Variants in RGS22 observed in about 807,000 individuals in gnomAD.
RGS22 encodes the protein regulator of G-protein signaling 22.
RGS22 carries 148 observed loss-of-function variants against 172.9 expected under a neutral mutation model. The ratio of observed to expected loss-of-function variants is 0.86; its 90% CI spans 0.75 to 0.98. RGS22 has a LOEUF of 0.98. Among genes scored for constraint, RGS22 ranks in the 50% least tolerant of loss-of-function variants. RGS22 has a pLI of 0.00. For missense variants in RGS22, 1,347 were observed against 1,440.8 expected (o/e 0.93, Z 1.05); for synonymous variants, 458 against 480.2 (o/e 0.95, Z 0.60).
intron 8 of RGS22, among the ~76,000 whole-genome samples, chr8:100,063,008 T>C (rs948399343): frequency 6.6e-6 from 1 of 152,174 alleles, no homozygotes; most frequent in Non-Finnish European, 1.5e-5. Context: ...CAACCAAGGT[T>C]ATGGAATTTG....
chr8:100,037,339 T>C lies in RGS22; in HGVS notation c.2166+1592A>G, dbSNP rs73274993. ...AAAGTAAGACAAAGTAAAATAACTA[T>C]AGATGCAAAGAGCAAGTATGTCAAA... On this transcript the variant is annotated intron_variant, in intron 14 of 27. Coordinates refer to ENST00000360863, the MANE Select transcript of RGS22 (RefSeq NM_015668.5). Among the ~76,000 whole-genome samples the C allele has an allele frequency of 2.2e-3, 336 of 152,274 alleles. 1 individual carries two copies. The highest frequency in any genetic ancestry group is 7.6e-3 in the African/African-American group (316 of 41,580).
Position 100,097,999 on chromosome 8 carries a change from A to AT in RGS22, c.55-4491dup, listed in dbSNP as rs536165744. Among the ~76,000 whole-genome samples, 7 of 152,236 alleles carry AT rather than the reference A, an allele frequency of 4.6e-5. No homozygotes were observed. In the South Asian group the frequency reaches 1.0e-3, roughly 23 times the overall value. ...CATACTACACGCTGTGGTCATAGCA[A>AT]TTTTTTTATAGTTCTGCACCTTGGC... On this transcript the variant is annotated intron_variant, in intron 2 of 27. Coordinates refer to ENST00000360863, the MANE Select transcript of RGS22 (RefSeq NM_015668.5).
intron 7 of RGS22, among the ~76,000 whole-genome samples, chr8:100,065,506 A>C (rs1810475115): frequency 6.6e-6 from 1 of 152,204 alleles, no homozygotes; most frequent in African/African-American, 2.4e-5. Flanking sequence ...TCTTAAAGAG[A>C]TTAGTTAAGA....
chr8:99,979,540 A>C (rs995850970), intron 22 of RGS22, among the ~76,000 whole-genome samples: 1 of 152,198 alleles, frequency 6.6e-6, no homozygotes, highest in Admixed American at 6.6e-5. Context: ...TAGTATGAGC[A>C]AAAGGGGCCA....
intron 23 of RGS22, among the ~76,000 whole-genome samples, chr8:99,976,506 C>A (rs1369354726): frequency 2.0e-5 from 3 of 152,226 alleles, no homozygotes; most frequent in African/African-American, 7.2e-5. Flanking sequence ...GGACTACAGG[C>A]ACCTGCCACC....
intron 9 of RGS22, among the ~76,000 whole-genome samples, chr8:100,061,463 G>GA (rs993967382): frequency 6.6e-6 from 1 of 151,748 alleles, no homozygotes; most frequent in East Asian, 1.9e-4. Flanking sequence ...AAATTTACAA[G>GA]AAAAAAAGCC....
intron 20 of RGS22, among the ~76,000 whole-genome samples, chr8:99,990,366 G>A (rs914620910): frequency 2.6e-5 from 4 of 152,016 alleles, no homozygotes; most frequent in Non-Finnish European, 5.9e-5. Flanking sequence ...GAAGGACCCT[G>A]TTTCCCATTT....
intron 1 of RGS22, 144 bp from the exon 2 acceptor site, chr8:100,105,546 G>A (rs1813868091): frequency 1.4e-6 from 1 of 707,814 alleles, no homozygotes; most frequent in East Asian, 2.6e-5. Flanking sequence ...CTCTGTACAT[G>A]GCTTGCATTT....
chr8:100,003,146 A>G, intron 17 of RGS22: 1 of 241,630 alleles, frequency 4.1e-6, no homozygotes, highest in South Asian at 4.3e-5. Flanking sequence ...ACATTTAAAA[A>G]TAACTTAAGG....
intron 2 of RGS22, among the ~76,000 whole-genome samples, chr8:100,103,303 T>TC (rs1244625420): frequency 6.6e-6 from 1 of 152,118 alleles, no homozygotes; most frequent in Non-Finnish European, 1.5e-5. Flanking sequence ...ACTACCAAAG[T>TC]CCAGACCCAG....
chr8:100,059,129 A>C (rs1476076161), intron 9 of RGS22, among the ~76,000 whole-genome samples: 1 of 152,166 alleles, frequency 6.6e-6, no homozygotes, highest in Non-Finnish European at 1.5e-5. Flanking sequence ...ACCTCAAACC[A>C]AAAAACATAC....
intron 10 of RGS22, 120 bp downstream of exon 10, chr8:100,052,682 C>T: frequency 1.1e-6 from 1 of 921,936 alleles, no homozygotes; most frequent in African/African-American, 1.7e-5. Context: ...AATGTTGCAG[C>T]TTGTACATTA....
At position 100,093,501 on chromosome 8, in the gene RGS22, A is replaced by G. The variant is rs147879096; in HGVS notation, c.63T>C (p.Ser21=). The change falls in exon 3 of 28, where the codon TCT becomes TCC. Residue 21 remains serine (S), a synonymous_variant. Coordinates refer to ENST00000360863, the MANE Select transcript of RGS22 (RefSeq NM_015668.5). Reference sequence around the variant, plus strand: ...CTACAAGGAAATCATCTGTTGCCAGAGAATCTTCCTGCAAAAAAAAAACAT... The same window carrying G: ...CTACAAGGAAATCATCTGTTGCCAGGGAATCTTCCTGCAAAAAAAAAACAT... The part of the protein sequence containing the change: ...PTITEEEFED[S]LATDDFLVDY... The G allele has an allele frequency of 6.2e-4, 990 of 1,590,476 alleles. 5 individuals are homozygous for G. In the African/African-American group the frequency reaches 0.012, roughly 19 times the overall value.
At chr8:100,010,583 T>A (rs905917748) in intron 14 of RGS22, among the ~76,000 whole-genome samples, 25 of 152,354 alleles carry the variant, frequency 1.6e-4, no homozygotes, top group African/African-American at 5.5e-4. Flanking sequence ...CCTGTCACTC[T>A]ATAATGCAGT....
At chr8:100,056,495 GA>G (rs1449699857) in intron 9 of RGS22, among the ~76,000 whole-genome samples, 69 of 152,042 alleles carry the variant, frequency 4.5e-4, no homozygotes, top group Admixed American at 9.8e-4. Context: ...AGGCCTAGGG[GA>G]AAAAAAATGT....
At chr8:100,000,430 T>C (rs573199581) in intron 18 of RGS22, among the ~76,000 whole-genome samples, 1 of 152,146 alleles carries the variant, frequency 6.6e-6, no homozygotes. Context: ...AAAGAGCAAA[T>C]TGGCTGCACA....
intron 23 of RGS22, among the ~76,000 whole-genome samples, chr8:99,973,387 C>G (rs1356079927): frequency 6.6e-6 from 1 of 152,048 alleles, no homozygotes; most frequent in Non-Finnish European, 1.5e-5. Context: ...AGCTGGAAAC[C>G]ACCATTCTCA....
chr8:99,981,244 G>A (rs543010943), intron 22 of RGS22, among the ~76,000 whole-genome samples: 2 of 152,280 alleles, frequency 1.3e-5, no homozygotes, highest in African/African-American at 4.8e-5. Context: ...TTAAAAAGAA[G>A]TAACTTGAGC....
chr8:99,980,341 G>T (rs1160045072), intron 22 of RGS22, among the ~76,000 whole-genome samples: 1 of 152,198 alleles, frequency 6.6e-6, no homozygotes, highest in Admixed American at 6.5e-5. Context: ...CAGAGGCCAG[G>T]AGTTTCTGTA....
Sources: allele counts gnomAD v4.1 joint callset (sites outside exome capture counted in the v4.1 genomes callset), GRCh38; gene constraint gnomAD v4.1.1; transcripts MANE v1.5; gene names NCBI Gene and HGNC (gene_info 2026-07-23, HGNC 2026-07-21).